The following TLN2 variants were observed in gnomAD, a reference collection of about 807,000 sequenced individuals.
TLN2 encodes talin 2.
A neutral mutation model predicts 294.7 loss-of-function variants in TLN2; 118 were observed. The observed-to-expected ratio is 0.40, with a 90% CI of 0.34 to 0.47. The LOEUF (loss-of-function observed/expected upper bound fraction) is 0.47, where lower values mean the gene tolerates loss of function less well. Among genes scored for constraint, TLN2 ranks in the 20% least tolerant of loss-of-function variants. The pLI is 0.84. For synonymous variants in TLN2, 1,431 were observed against 1,304.5 expected (o/e 1.10, Z -2.09); for missense variants, 3,083 against 3,282.2 (o/e 0.94, Z 1.48).
intron 7 of TLN2, among the ~76,000 whole-genome samples, chr15:62,654,697 G>A (rs1319407465): frequency 7.4e-6 from 1 of 135,146 alleles, no homozygotes. Context: ...GGAGGTTGCA[G>A]TGAACTGAGA....
chr15:62,582,028 G>A (rs2045090254), intron 1 of TLN2, among the ~76,000 whole-genome samples: 1 of 149,666 alleles, frequency 6.7e-6, no homozygotes, highest in Non-Finnish European at 1.5e-5. Flanking sequence ...TGGGCAAGAA[G>A]AGTGAAACTC....
intron 10 of TLN2, 40 bp from the exon 11 acceptor site, chr15:62,675,177 G>C: frequency 6.3e-7 from 1 of 1,593,264 alleles, no homozygotes; most frequent in Non-Finnish European, 8.6e-7. Context: ...CCTGCTGGCA[G>C]AGATGCAATA....
chr15:62,705,477 C>T (rs938191099), intron 19 of TLN2, among the ~76,000 whole-genome samples: 2 of 152,148 alleles, frequency 1.3e-5, no homozygotes, highest in Admixed American at 6.5e-5. Context: ...GCTGTAGTAT[C>T]ACATTCTTTT....
chr15:62,564,925 A>AATATATATATAT (rs1555430771), intron 1 of TLN2, among the ~76,000 whole-genome samples: 9 of 80,624 alleles, frequency 1.1e-4, no homozygotes, highest in South Asian at 4.7e-4. Flanking sequence ...AAAAAAAAAA[A>AATATATATATAT]ATATATATAT....
chr15:62,452,248 C>G (rs2036201364), intron 1 of TLN2, among the ~76,000 whole-genome samples: 1 of 152,134 alleles, frequency 6.6e-6, no homozygotes, highest in Admixed American at 6.5e-5. Context: ...GTCCTAGCTG[C>G]AAACCTGCTC....
chr15:62,707,943 A>T (rs12906971), intron 20 of TLN2, among the ~76,000 whole-genome samples: 1 of 151,804 alleles, frequency 6.6e-6, no homozygotes, highest in Non-Finnish European at 1.5e-5. Flanking sequence ...GTCATGTTGT[A>T]TAGATCTGTG....
At chr15:62,759,889 C>T (rs376022221) in intron 37 of TLN2, among the ~76,000 whole-genome samples, 5 of 152,224 alleles carry the variant, frequency 3.3e-5, no homozygotes, top group African/African-American at 7.2e-5. Context: ...CACCCTGCCT[C>T]GCACTGGTGT....
chr15:62,791,458 T>A (rs996256333), intron 45 of TLN2, among the ~76,000 whole-genome samples: 1 of 152,206 alleles, frequency 6.6e-6, no homozygotes, highest in African/African-American at 2.4e-5. Flanking sequence ...TTTGGGCCTT[T>A]AAGGGGTTTA....
intron 1 of TLN2, among the ~76,000 whole-genome samples, chr15:62,556,461 CATA>C (rs971774070): frequency 3.6e-4 from 55 of 152,072 alleles, no homozygotes; most frequent in African/African-American, 1.2e-3. Flanking sequence ...TGCACGCCAC[CATA>C]TCTGGCTAAT....
chr15:62,615,961 G>A (rs1171457059), intron 2 of TLN2, among the ~76,000 whole-genome samples: 1 of 151,918 alleles, frequency 6.6e-6, no homozygotes, highest in Non-Finnish European at 1.5e-5. Flanking sequence ...TTTTGTATCT[G>A]TTTCCTCGCC....
At chr15:62,818,745 A>G (rs1039901820) in intron 52 of TLN2, among the ~76,000 whole-genome samples, 4 of 151,544 alleles carry the variant, frequency 2.6e-5, no homozygotes, top group African/African-American at 4.9e-5. Flanking sequence ...CAAGGACTTG[A>G]GTGGCGTGTT....
intron 1 of TLN2, among the ~76,000 whole-genome samples, chr15:62,428,767 A>G (rs2034851652): frequency 6.6e-6 from 1 of 152,234 alleles, no homozygotes; most frequent in African/African-American, 2.4e-5. Flanking sequence ...TGCATGTGCC[A>G]GGTGTCATAC....
chr15:62,635,959 C>G (rs1184913341), intron 3 of TLN2, among the ~76,000 whole-genome samples: 1 of 152,062 alleles, frequency 6.6e-6, no homozygotes, highest in Non-Finnish European at 1.5e-5. Flanking sequence ...TGGTCGAGTT[C>G]ACATGACTAC....
chr15:62,791,846 T>C (rs766512554), intron 45 of TLN2, among the ~76,000 whole-genome samples: 104 of 152,182 alleles, frequency 6.8e-4, no homozygotes, highest in Non-Finnish European at 2.5e-4. Flanking sequence ...GCCGGAGGAA[T>C]GCAAACTTCG....
At chr15:62,408,621 A>C (rs2033574451) in intron 1 of TLN2, among the ~76,000 whole-genome samples, 1 of 152,200 alleles carries the variant, frequency 6.6e-6, no homozygotes, top group Admixed American at 6.5e-5. Flanking sequence ...TATTAACTTT[A>C]TTGTAGTGAT....
rs183839767 is a variant in TLN2, at chr15:62,422,029, G to A, written c.-238+31344G>A. Among the ~76,000 whole-genome samples the A allele has an allele frequency of 5.9e-5, 9 of 151,950 alleles. No homozygotes were observed. The East Asian group carries it at 1.5e-3, about 26-fold the overall frequency. On this transcript the variant is annotated intron_variant, in intron 1 of 58. Transcript: ENST00000636159. ...TAATCCCAGCACTTTGGGAGGCCGA[G>A]GCAGGTGGATCACCTGAGGTCTGGA...
At position 62,797,397 on chromosome 15, in the gene TLN2, A is replaced by G. The variant is rs748798371; in HGVS notation, c.6229A>G (p.Thr2077Ala). The G allele has an allele frequency of 2.5e-6, 4 of 1,601,482 alleles. No individual in the cohort carries two copies. In the South Asian group the frequency reaches 4.4e-5, roughly 18 times the overall value. The change falls in exon 48 of 59, where the codon ACC (threonine) becomes GCC (alanine). Residue 2077 changes from threonine to alanine, a missense_variant. Thr to Ala is a moderately conservative substitution (Grantham distance 58). Transcript: ENST00000636159. Reference protein sequence around the residue: ...AASLGSDDPETQVVLINAIKD... With the variant: ...AASLGSDDPEAQVVLINAIKD... ...CAGCCTGGGCTCCGACGACCCCGAGACCCAGGTACCAGCAGGGCCTGGGGA... is the reference window on the plus strand; with the variant it reads ...CAGCCTGGGCTCCGACGACCCCGAGGCCCAGGTACCAGCAGGGCCTGGGGA...
chr15:62,769,246 C>T lies in TLN2; in HGVS notation c.5197-1718C>T, dbSNP rs151318313. Among the ~76,000 whole-genome samples, 481 of 152,342 alleles carry T rather than the reference C, an allele frequency of 3.2e-3. 4 individuals carry two copies. Among genetic ancestry groups the T allele is most frequent in the Middle Eastern group, 0.01 (3 of 294 alleles). ...AAGGACCACCCTAAGCCCTCTGTCC[C>T]GATGACCCTTCAGTGCTCCGTTCCC... On this transcript the variant is annotated intron_variant, in intron 41 of 58. Coordinates refer to ENST00000636159, the MANE Select transcript of TLN2 (RefSeq NM_015059.3).
intron 3 of TLN2, 48 bp from the exon 4 acceptor site, chr15:62,647,227 A>T: frequency 6.7e-7 from 1 of 1,494,790 alleles, no homozygotes; most frequent in Non-Finnish European, 9.0e-7. Flanking sequence ...TTTCCCCAAG[A>T]CAAATTATTA....
Sources: gnomAD v4.1 joint callset for allele counts (sites outside exome capture counted in the v4.1 genomes callset) on GRCh38, gnomAD v4.1.1 for gene constraint, MANE v1.5 for transcripts, NCBI Gene and HGNC (gene_info 2026-07-23, HGNC 2026-07-21) for gene names.